Variants in MAMDC2 observed in about 807,000 individuals in gnomAD.
MAMDC2 encodes MAM domain containing 2, also known as MAM domain-containing protein 2.
Under a neutral mutation model 89.8 loss-of-function variants are expected in MAMDC2, and 57 were observed. That is an observed-to-expected ratio of 0.63 (90% CI 0.51 to 0.79). The LOEUF (loss-of-function observed/expected upper bound fraction) is 0.79. MAMDC2 is among the 30% of genes least tolerant of loss of function. The pLI, the probability that MAMDC2 is intolerant of heterozygous loss-of-function variation, is 0.00. For synonymous variants in MAMDC2, 313 were observed against 293.4 expected (o/e 1.07, Z -0.68); for missense variants, 800 against 820.6 (o/e 0.97, Z 0.31).
intron 2 of MAMDC2, among the ~76,000 whole-genome samples, chr9:70,095,654 T>A (rs1342859758): frequency 6.6e-6 from 1 of 151,924 alleles, no homozygotes; most frequent in Non-Finnish European, 1.5e-5. Context: ...GATACATGAG[T>A]CTGGAAGTGA....
intron 5 of MAMDC2, among the ~76,000 whole-genome samples, chr9:70,117,957 G>C (rs1488366700): frequency 1.3e-5 from 2 of 152,206 alleles, no homozygotes; most frequent in Non-Finnish European, 2.9e-5. Flanking sequence ...TGAAACCACA[G>C]ACAAAAGATT....
chr9:70,138,569 G>A (rs977481888), intron 7 of MAMDC2, among the ~76,000 whole-genome samples: 1 of 152,070 alleles, frequency 6.6e-6, no homozygotes, highest in Non-Finnish European at 1.5e-5. Context: ...ACCAACATCT[G>A]TTAATTTTTG....
intron 2 of MAMDC2, among the ~76,000 whole-genome samples, chr9:70,047,002 T>C (rs2117959025): frequency 6.6e-6 from 1 of 152,316 alleles, no homozygotes; most frequent in East Asian, 1.9e-4. Flanking sequence ...AGCCCATTTC[T>C]AGGTTGGTAA....
intron 11 of MAMDC2, among the ~76,000 whole-genome samples, chr9:70,212,862 T>C (rs1053666937): frequency 1.3e-5 from 2 of 152,158 alleles, no homozygotes; most frequent in East Asian, 1.9e-4. Flanking sequence ...ACTGAAAGCA[T>C]AGTAGACTTC....
intron 11 of MAMDC2, among the ~76,000 whole-genome samples, chr9:70,198,197 C>CACACAT (rs1400926033): frequency 2.7e-5 from 4 of 148,862 alleles, no homozygotes; most frequent in Non-Finnish European, 3.0e-5. Flanking sequence ...CACACACACA[C>CACACAT]AATATATAAT....
chr9:70,049,016 T>C (rs977830964), intron 2 of MAMDC2, among the ~76,000 whole-genome samples: 1 of 152,178 alleles, frequency 6.6e-6, no homozygotes. Flanking sequence ...GCTGCAGAAA[T>C]GTCTCAGGTG....
At chr9:70,189,530 G>T (rs2032833449) in intron 11 of MAMDC2, among the ~76,000 whole-genome samples, 1 of 152,072 alleles carries the variant, frequency 6.6e-6, no homozygotes, top group African/African-American at 2.4e-5. Context: ...TCTTTGGCTT[G>T]TAACAGTTAA....
intron 2 of MAMDC2, among the ~76,000 whole-genome samples, chr9:70,100,618 G>A (rs1828163073): frequency 1.3e-5 from 2 of 152,176 alleles, no homozygotes; most frequent in South Asian, 4.1e-4. Flanking sequence ...GAGTAAATAT[G>A]CCAGATTCCA....
intron 5 of MAMDC2, among the ~76,000 whole-genome samples, chr9:70,122,631 G>T (rs2030335906): frequency 6.6e-6 from 1 of 152,104 alleles, no homozygotes; most frequent in Non-Finnish European, 1.5e-5. Context: ...ATTTTTAGGG[G>T]TCCATGACAA....
chr9:70,075,564 G>A (rs902616535), intron 2 of MAMDC2, among the ~76,000 whole-genome samples: 3 of 152,164 alleles, frequency 2.0e-5, no homozygotes, highest in African/African-American at 7.2e-5. Flanking sequence ...GATTGTGTGG[G>A]AAGCCGTGAG....
chr9:70,076,569 A>G (rs1196065097), intron 2 of MAMDC2, among the ~76,000 whole-genome samples: 1 of 152,150 alleles, frequency 6.6e-6, no homozygotes, highest in Non-Finnish European at 1.5e-5. Flanking sequence ...TGATTCTGAG[A>G]TGGCACTGAC....
chr9:70,168,526 G>C (rs1179779265), intron 9 of MAMDC2, 176 bp from the exon 10 acceptor site: 2 of 569,626 alleles, frequency 3.5e-6, no homozygotes, highest in Admixed American at 3.1e-5. Flanking sequence ...TAATTCCAGG[G>C]TTTTATGCAG....
chr9:70,156,500 A>G (rs1171069945), intron 9 of MAMDC2, among the ~76,000 whole-genome samples: 1 of 152,230 alleles, frequency 6.6e-6, no homozygotes, highest in Non-Finnish European at 1.5e-5. Flanking sequence ...GATGTCTGGG[A>G]ACACTGGAAG....
intron 12 of MAMDC2, among the ~76,000 whole-genome samples, chr9:70,220,680 A>C (rs2033538749): frequency 1.3e-5 from 2 of 152,234 alleles, no homozygotes; most frequent in African/African-American, 4.8e-5. Context: ...AATGAGAACC[A>C]GATCTGCATG....
intron 12 of MAMDC2, among the ~76,000 whole-genome samples, chr9:70,222,281 TTAA>T (rs1275934430): frequency 6.6e-6 from 1 of 152,082 alleles, no homozygotes; most frequent in Non-Finnish European, 1.5e-5. Context: ...AGGAAGAAAA[TTAA>T]TAGACTTCTG....
At position 70,170,597 on chromosome 9, in the gene MAMDC2, C is replaced by T; in HGVS notation, c.1617C>T (p.Tyr539=). 6.2e-7 allele frequency: 1 copy of T among 1,611,952 alleles called. No homozygotes were observed. Among genetic ancestry groups the T allele is most frequent in the Non-Finnish European group, 8.5e-7 (1 of 1,179,310 alleles). Residue 539 remains tyrosine, a synonymous_variant, in exon 11 of 14, where the codon TAC becomes TAT. Coordinates refer to ENST00000377182, the MANE Select transcript of MAMDC2 (RefSeq NM_153267.5). ...HRRRGETPTS[Y]TGPKGDHTTG... ...GGAGGGGAGAAACTCCCACTTCCTA[C>T]ACAGGACCAAAGGGAGATCACACTA...
chr9:70,184,814 T>A (rs907529419), intron 11 of MAMDC2, among the ~76,000 whole-genome samples: 5 of 152,088 alleles, frequency 3.3e-5, no homozygotes, highest in Admixed American at 6.6e-5. Context: ...CTTCCTTGCA[T>A]TGGGTTAGAA....
At position 70,170,464 on chromosome 9, in the gene MAMDC2, G is replaced by A; in HGVS notation, c.1499-15G>A. On this transcript the variant is annotated splice_polypyrimidine_tract_variant and intron_variant, in intron 10 of 13. Coordinates refer to ENST00000377182, the MANE Select transcript of MAMDC2 (RefSeq NM_153267.5). ...AAGAGTCTCAGTGATTGCAACATCT[G>A]CTATTTTCTTGCAGAGAAACTTCCA... 1.3e-6 allele frequency: 2 copies of A among 1,597,380 alleles called. No homozygotes were observed. The highest frequency in any genetic ancestry group is 1.1e-5 in the South Asian group (1 of 87,740).
intron 6 of MAMDC2, among the ~76,000 whole-genome samples, chr9:70,129,162 A>T (rs1184780127): frequency 6.6e-6 from 1 of 152,152 alleles, no homozygotes; most frequent in African/African-American, 2.4e-5. Flanking sequence ...TTGAATTCCC[A>T]CGTGTTGTAG....
Sources: allele counts gnomAD v4.1 joint callset (sites outside exome capture counted in the v4.1 genomes callset), GRCh38; gene constraint gnomAD v4.1.1; transcripts MANE v1.5; gene names NCBI Gene and HGNC (gene_info 2026-07-23, HGNC 2026-07-21).